Variants in SMYD3 observed in about 807,000 individuals in gnomAD.
SMYD3 encodes the protein SET and MYND domain containing 3, also known as histone-lysine N-methyltransferase SMYD3.
A neutral mutation model predicts 57.7 loss-of-function variants in SMYD3; 36 were observed. The observed-to-expected ratio is 0.62, with a 90% CI of 0.48 to 0.82. The LOEUF (loss-of-function observed/expected upper bound fraction) is 0.82. Among genes scored for constraint, SMYD3 ranks in the 40% least tolerant of loss-of-function variants. The probability of loss-of-function intolerance (pLI) is 0.00; values close to 1 mark genes in which losing one functional copy is unlikely to be tolerated. For missense variants in SMYD3, 515 were observed against 538.8 expected (o/e 0.96, Z 0.44); for synonymous variants, 211 against 195.0 (o/e 1.08, Z -0.68).
intron 5 of SMYD3, among the ~76,000 whole-genome samples, chr1:246,125,087 A>AAAC (rs1553295616): frequency 4.2e-5 from 6 of 142,554 alleles, no homozygotes; most frequent in Admixed American, 7.0e-5. Context: ...AAAAAAAAAA[A>AAAC]ACACACACAC....
At chr1:245,765,222 T>TA (rs1558313510) in intron 10 of SMYD3, among the ~76,000 whole-genome samples, 4,072 of 99,910 alleles carry the variant, frequency 0.041, 159 homozygotes, top group Admixed American at 0.14. Context: ...CCTTTCTCTA[T>TA]TAAAAAAAAA....
At chr1:245,960,910 C>T (rs777126587) in intron 5 of SMYD3, among the ~76,000 whole-genome samples, 2 of 152,090 alleles carry the variant, frequency 1.3e-5, no homozygotes, top group Admixed American at 6.5e-5. Flanking sequence ...ATAACTCCCT[C>T]GGGACCTATT....
At chr1:245,886,916 C>A (rs2053117964) in intron 8 of SMYD3, among the ~76,000 whole-genome samples, 1 of 152,124 alleles carries the variant, frequency 6.6e-6, no homozygotes, top group Admixed American at 6.6e-5. Context: ...CTGGCCTTAC[C>A]AGCCTTTATC....
chr1:245,824,177 C>G (rs1183072511), intron 10 of SMYD3, among the ~76,000 whole-genome samples: 1 of 152,224 alleles, frequency 6.6e-6, no homozygotes, highest in African/African-American at 2.4e-5. Context: ...GTACCCTGCA[C>G]AAGCTTGGCA....
intron 11 of SMYD3, among the ~76,000 whole-genome samples, chr1:245,750,472 T>C (rs185911268): frequency 2.6e-5 from 4 of 152,298 alleles, no homozygotes; most frequent in Non-Finnish European, 5.9e-5. Context: ...CTTCAGACGA[T>C]TCCAGCACCC....
At chr1:246,175,489 A>ACC (rs2062416789) in intron 5 of SMYD3, among the ~76,000 whole-genome samples, 1 of 152,168 alleles carries the variant, frequency 6.6e-6, no homozygotes, top group Non-Finnish European at 1.5e-5. Flanking sequence ...AGACTTGAAA[A>ACC]TCCCTCTACC....
intron 5 of SMYD3, among the ~76,000 whole-genome samples, chr1:246,323,872 TCTA>T (rs1213226623): frequency 9.9e-5 from 15 of 152,014 alleles, no homozygotes; most frequent in Non-Finnish European, 2.1e-4. Flanking sequence ...AAAGACTAAT[TCTA>T]ATGAAGGTTT....
intron 5 of SMYD3, among the ~76,000 whole-genome samples, chr1:246,170,619 C>G (rs1012751150): frequency 1.3e-5 from 2 of 152,074 alleles, no homozygotes; most frequent in African/African-American, 4.8e-5. Context: ...GGTAGTAATA[C>G]AAGACTGCCT....
At chr1:246,454,344 G>C (rs1299668671) in intron 1 of SMYD3, among the ~76,000 whole-genome samples, 1 of 152,124 alleles carries the variant, frequency 6.6e-6, no homozygotes, top group East Asian at 1.9e-4. Flanking sequence ...TGTGAGGTAT[G>C]ATTCCATCAA....
chr1:246,470,493 T>TA, intron 1 of SMYD3, among the ~76,000 whole-genome samples: 15 of 90,290 alleles, frequency 1.7e-4, no homozygotes, highest in Admixed American at 5.5e-4. Context: ...AGAATCTGTC[T>TA]AAAAATAAAA....
chr1:245,774,553 T>C (rs1243159239), intron 10 of SMYD3, among the ~76,000 whole-genome samples: 3 of 152,216 alleles, frequency 2.0e-5, no homozygotes, highest in Non-Finnish European at 4.4e-5. Flanking sequence ...AAATTGACTG[T>C]AGTCATGGTT....
chr1:246,422,259 C>T (rs555936912), intron 1 of SMYD3, among the ~76,000 whole-genome samples: 2 of 151,896 alleles, frequency 1.3e-5, no homozygotes, highest in East Asian at 1.9e-4. Context: ...AAGGAAGAGG[C>T]CTTGTTAGGA....
chr1:246,475,432 C>T (rs1395393839), intron 1 of SMYD3, among the ~76,000 whole-genome samples: 7 of 151,544 alleles, frequency 4.6e-5, no homozygotes, highest in African/African-American at 1.7e-4. Flanking sequence ...CATTTGAGGT[C>T]GGGAATTCGA....
chr1:245,933,798 T>C (rs2056855334), intron 5 of SMYD3, among the ~76,000 whole-genome samples: 1 of 152,198 alleles, frequency 6.6e-6, no homozygotes, highest in African/African-American at 2.4e-5. Context: ...TAGCAGCAGT[T>C]AAACTGAGAT....
At chr1:246,483,655 T>C (rs147767723) in intron 1 of SMYD3, 5 of 152,320 alleles carry the variant, frequency 3.3e-5, no homozygotes, top group East Asian at 3.9e-4. Flanking sequence ...TCTGATACAA[T>C]TGTGGCTCTC....
intron 1 of SMYD3, among the ~76,000 whole-genome samples, chr1:246,444,376 G>A (rs529907544): frequency 3.7e-4 from 57 of 152,028 alleles, no homozygotes; most frequent in East Asian, 1.6e-3. Context: ...CACCCGCCTC[G>A]GCCTCCCAAA....
intron 5 of SMYD3, among the ~76,000 whole-genome samples, chr1:246,086,307 G>C (rs556731893): frequency 1.3e-5 from 2 of 151,620 alleles, no homozygotes; most frequent in African/African-American, 4.8e-5. Context: ...TGCTTCAAGT[G>C]AATCTTTCTG....
At chr1:246,147,680 G>A (rs996136752) in intron 5 of SMYD3, among the ~76,000 whole-genome samples, 1 of 151,860 alleles carries the variant, frequency 6.6e-6, no homozygotes, top group South Asian at 2.1e-4. Flanking sequence ...GCTGGAGATC[G>A]GAGCTTCCCT....
At chr1:245,927,309 T>G (rs2056439263) in intron 7 of SMYD3, among the ~76,000 whole-genome samples, 2 of 152,180 alleles carry the variant, frequency 1.3e-5, no homozygotes, top group Non-Finnish European at 2.9e-5. Flanking sequence ...GGCTGGACAG[T>G]CTGTCAAACT....
Sources: allele counts gnomAD v4.1 joint callset (sites outside exome capture counted in the v4.1 genomes callset), GRCh38; gene constraint gnomAD v4.1.1; transcripts MANE v1.5; gene names NCBI Gene and HGNC (gene_info 2026-07-23, HGNC 2026-07-21).